The following HDAC9 variants were observed in gnomAD, a reference collection of about 807,000 sequenced individuals.
HDAC9 encodes the protein MEF-2 interacting transcription repressor (MITR) protein.
HDAC9 carries 41 observed loss-of-function variants against 139.4 expected under a neutral mutation model. The ratio of observed to expected loss-of-function variants is 0.29; its 90% CI spans 0.23 to 0.38. The LOEUF (loss-of-function observed/expected upper bound fraction) is 0.38. HDAC9 is among the 10% of genes least tolerant of loss of function. The pLI, the probability that HDAC9 is intolerant of heterozygous loss-of-function variation, is 1.00. For missense variants in HDAC9, 1,147 were observed against 1,297.0 expected (o/e 0.88, Z 1.78); for synonymous variants, 517 against 476.2 (o/e 1.09, Z -1.12).
chr7:18,577,896 T>C (rs1247066640), intron 2 of HDAC9, among the ~76,000 whole-genome samples: 2 of 151,954 alleles, frequency 1.3e-5, no homozygotes, highest in African/African-American at 4.8e-5. Flanking sequence ...ATACATAACA[T>C]GGATAGAAAG....
chr7:18,447,233 A>G (rs1792379769), intron 1 of HDAC9, among the ~76,000 whole-genome samples: 1 of 152,182 alleles, frequency 6.6e-6, no homozygotes, highest in East Asian at 1.9e-4. Flanking sequence ...TTATGATGAA[A>G]TATACTGACA....
chr7:18,581,763 C>G (rs906500426), intron 2 of HDAC9, among the ~76,000 whole-genome samples: 8 of 152,108 alleles, frequency 5.3e-5, no homozygotes, highest in Admixed American at 4.6e-4. Flanking sequence ...TCATGTTACT[C>G]CAGAGCCTTG....
At chr7:18,712,004 A>G (rs1001600527) in intron 12 of HDAC9, among the ~76,000 whole-genome samples, 1 of 151,880 alleles carries the variant, frequency 6.6e-6, no homozygotes. Context: ...CAATCAATGC[A>G]AATGCCCAGT....
intron 22 of HDAC9, among the ~76,000 whole-genome samples, chr7:18,919,006 C>T (rs1315165771): frequency 1.3e-5 from 2 of 151,846 alleles, no homozygotes; most frequent in Admixed American, 6.6e-5. Flanking sequence ...CCTTTTAAGT[C>T]GTTGGTAATA....
At chr7:18,473,750 C>A (rs1401344612) in intron 1 of HDAC9, among the ~76,000 whole-genome samples, 1 of 152,190 alleles carries the variant, frequency 6.6e-6, no homozygotes, top group Non-Finnish European at 1.5e-5. Context: ...CTGACTAGAG[C>A]CTTGTTATGT....
intron 22 of HDAC9, among the ~76,000 whole-genome samples, chr7:18,934,968 CA>C (rs1201051805): frequency 5.3e-5 from 8 of 151,696 alleles, no homozygotes; most frequent in African/African-American, 1.2e-4. Context: ...TACTAGACAG[CA>C]AAAAAACTAT....
chr7:18,869,770 A>C lies in HDAC9; in HGVS notation c.2685-4708A>C, dbSNP rs10263220. Reference sequence around the variant, plus strand: ...TGGTGGTGTGAGAGCAGAGAAAAAAACACCGGTTTAGAGAGTTTTCCTGAC... The same window carrying C: ...TGGTGGTGTGAGAGCAGAGAAAAAACCACCGGTTTAGAGAGTTTTCCTGAC... On this transcript the variant is annotated intron_variant, in intron 21 of 25. Coordinates refer to ENST00000686413, the MANE Select transcript of HDAC9 (RefSeq NM_178425.4). Among the ~76,000 whole-genome samples, 1,315 of 152,222 alleles carry C rather than the reference A, an allele frequency of 8.6e-3. 19 individuals carry two copies. Among genetic ancestry groups the C allele is most frequent in the African/African-American group, 0.03 (1,245 of 41,542 alleles).
At chr7:18,673,074 T>G (rs541222631) in intron 12 of HDAC9, among the ~76,000 whole-genome samples, 1 of 152,062 alleles carries the variant, frequency 6.6e-6, no homozygotes, top group African/African-American at 2.4e-5. Flanking sequence ...TCATGAATAT[T>G]ACTTTTAAAA....
chr7:18,815,721 T>C (rs1425388570), intron 17 of HDAC9, among the ~76,000 whole-genome samples: 5 of 152,240 alleles, frequency 3.3e-5, no homozygotes, highest in Non-Finnish European at 1.5e-5. Flanking sequence ...CAGCTGTGCA[T>C]AGGCTTTGGG....
At chr7:18,688,068 T>A (rs1782402219) in intron 12 of HDAC9, among the ~76,000 whole-genome samples, 1 of 151,840 alleles carries the variant, frequency 6.6e-6, no homozygotes. Flanking sequence ...GCAAAATGAC[T>A]ATATATACAC....
At chr7:18,965,143 C>T (rs980051723) in intron 24 of HDAC9, among the ~76,000 whole-genome samples, 1 of 152,180 alleles carries the variant, frequency 6.6e-6, no homozygotes, top group Non-Finnish European at 1.5e-5. Context: ...GATGAGTATT[C>T]ATTTCATCTA....
intron 22 of HDAC9, among the ~76,000 whole-genome samples, chr7:18,908,570 G>A (rs1169564496): frequency 6.6e-6 from 1 of 151,852 alleles, no homozygotes; most frequent in Non-Finnish European, 1.5e-5. Flanking sequence ...CCAACTTCTG[G>A]TAAACACTAT....
intron 2 of HDAC9, among the ~76,000 whole-genome samples, chr7:18,244,826 A>ATAG: frequency 6.6e-6 from 1 of 151,174 alleles, no homozygotes; most frequent in African/African-American, 2.4e-5. Context: ...AATAATAATA[A>ATAG]TAATAATAAT....
rs549972788 is a variant in HDAC9, at chr7:18,452,012, A to G, written c.-41-44250A>G. On this transcript the variant is annotated intron_variant, in intron 1 of 3. Coordinates refer to the HDAC9 transcript ENST00000413509. Reference sequence around the variant, plus strand: ...GTGTGGAACCTAAAACAGATACTTCACTAAAGTATTAGGTCTCAAGTAACT... The same window carrying G: ...GTGTGGAACCTAAAACAGATACTTCGCTAAAGTATTAGGTCTCAAGTAACT... Among the ~76,000 whole-genome samples the G allele has an allele frequency of 4.6e-5, 7 of 152,298 alleles. No individual in the cohort carries two copies. In the South Asian group the frequency reaches 1.2e-3, roughly 27 times the overall value.
intron 6 of HDAC9, among the ~76,000 whole-genome samples, chr7:18,603,135 G>C (rs1171073153): frequency 6.6e-6 from 1 of 151,956 alleles, no homozygotes; most frequent in African/African-American, 2.4e-5. Context: ...ACATCCTTCT[G>C]TTTAGTGTGA....
intron 1 of HDAC9, among the ~76,000 whole-genome samples, chr7:18,139,069 T>C (rs968770470): frequency 2.6e-5 from 4 of 151,842 alleles, no homozygotes; most frequent in South Asian, 4.1e-4. Context: ...TGCTTAAGAA[T>C]ATTAAATATT....
intron 19 of HDAC9, 117 bp downstream of exon 19, chr7:18,829,665 T>G: frequency 4.7e-6 from 3 of 644,772 alleles, no homozygotes; most frequent in African/African-American, 1.8e-5. Flanking sequence ...AAGGGTGTGT[T>G]TTCCTTTGAA....
chr7:18,369,727 G>C (rs894333462), intron 1 of HDAC9, among the ~76,000 whole-genome samples: 1 of 152,042 alleles, frequency 6.6e-6, no homozygotes, highest in Non-Finnish European at 1.5e-5. Flanking sequence ...TCAAGGTTCA[G>C]CAAGTCATGA....
At chr7:18,294,008 G>C (rs912225000) in intron 1 of HDAC9, among the ~76,000 whole-genome samples, 2 of 152,022 alleles carry the variant, frequency 1.3e-5, no homozygotes, top group Non-Finnish European at 2.9e-5. Context: ...AATAGATAAA[G>C]CATTGTTTTC....
Sources: allele counts gnomAD v4.1 joint callset (sites outside exome capture counted in the v4.1 genomes callset), GRCh38; gene constraint gnomAD v4.1.1; transcripts MANE v1.5; gene names NCBI Gene and HGNC (gene_info 2026-07-23, HGNC 2026-07-21).